Variants in LRRIQ3 observed in about 807,000 individuals in gnomAD.
The protein encoded by LRRIQ3 is leucine rich repeats and IQ motif containing 3, also known as leucine-rich repeat and IQ domain-containing protein 3.
Under a neutral mutation model 59.3 loss-of-function variants are expected in LRRIQ3, and 75 were observed. That is an observed-to-expected ratio of 1.26 (90% CI 1.05 to 1.53). The LOEUF is 1.53. Among genes scored for constraint, LRRIQ3 ranks in the 40% most tolerant of loss-of-function variants. LRRIQ3 has a pLI of 0.00. For missense variants in LRRIQ3, 831 were observed against 710.0 expected (o/e 1.17, Z -1.94); for synonymous variants, 250 against 231.3 (o/e 1.08, Z -0.73).
At chr1:74,087,887 A>T (rs980053860) in intron 5 of LRRIQ3, among the ~76,000 whole-genome samples, 3 of 151,956 alleles carry the variant, frequency 2.0e-5, no homozygotes, top group Non-Finnish European at 4.4e-5. Context: ...TCATGAGGTC[A>T]GGAGTTCAAG....
intron 1 of LRRIQ3, among the ~76,000 whole-genome samples, chr1:74,190,693 A>G (rs1650706061): frequency 6.6e-6 from 1 of 152,076 alleles, no homozygotes; most frequent in African/African-American, 2.4e-5. Flanking sequence ...AAAATAAAAA[A>G]AAAACAACCT....
At chr1:74,097,740 G>C (rs931210765) in intron 5 of LRRIQ3, among the ~76,000 whole-genome samples, 7 of 152,110 alleles carry the variant, frequency 4.6e-5, no homozygotes, top group African/African-American at 1.7e-4. Context: ...AAGAGAGTAG[G>C]GGCCAATATT....
chr1:74,149,587 A>T (rs565159319), intron 4 of LRRIQ3, among the ~76,000 whole-genome samples: 7 of 152,152 alleles, frequency 4.6e-5, no homozygotes, highest in Non-Finnish European at 1.0e-4. Context: ...CTCCACAAAT[A>T]ATGAATTCTT....
At chr1:74,180,714 G>T (rs747910883) in intron 3 of LRRIQ3, 3 of 1,549,464 alleles carry the variant, frequency 1.9e-6, no homozygotes, top group Non-Finnish European at 1.7e-6. Flanking sequence ...CCCACCTCAT[G>T]ACTCATTTGC....
chr1:74,063,248 T>C (rs957512774), intron 6 of LRRIQ3, among the ~76,000 whole-genome samples: 2 of 152,246 alleles, frequency 1.3e-5, no homozygotes, highest in African/African-American at 2.4e-5. Context: ...TCATAATGAA[T>C]AAAGAAAATG....
chr1:74,119,139 CATTTTAT>C (rs1274824900), intron 4 of LRRIQ3, among the ~76,000 whole-genome samples: 1 of 119,578 alleles, frequency 8.4e-6, no homozygotes, highest in Non-Finnish European at 2.0e-5. Context: ...TAAAAATTGT[CATTTTAT>C]TTTTTAAAAT....
intron 3 of LRRIQ3, among the ~76,000 whole-genome samples, chr1:74,174,161 T>C (rs887592914): frequency 6.6e-6 from 1 of 152,128 alleles, no homozygotes. Flanking sequence ...TGCGTTATAT[T>C]GTTTTACTTG....
intron 7 of LRRIQ3, among the ~76,000 whole-genome samples, chr1:74,040,376 G>A (rs372707039): frequency 7.9e-5 from 12 of 152,128 alleles, no homozygotes; most frequent in Admixed American, 5.9e-4. Context: ...ATATTAGACC[G>A]ATTAATGAGA....
chr1:74,088,124 AC>A lies in LRRIQ3; in HGVS notation c.868-13335del, dbSNP rs1204290573. 5.9e-5 allele frequency among the ~76,000 whole-genome samples: 9 copies of A among 152,042 alleles called. No individual in the cohort carries two copies. The East Asian group carries it at 7.8e-4, about 13-fold the overall frequency. ...AAACAAAAAAACAAAACAAAAAAAA[AC>A]AATTGTCTCTCAGATATTTGAATAT... On this transcript the variant is annotated intron_variant, in intron 5 of 7. Transcript: ENST00000354431.
chr1:74,081,379 C>G (rs1206028510), intron 5 of LRRIQ3, among the ~76,000 whole-genome samples: 2 of 151,552 alleles, frequency 1.3e-5, no homozygotes, highest in Non-Finnish European at 3.0e-5. Context: ...GTCTAATAGT[C>G]TAAGGTCTAT....
At chr1:74,060,122 T>C (rs556953535) in intron 6 of LRRIQ3, among the ~76,000 whole-genome samples, 2 of 152,236 alleles carry the variant, frequency 1.3e-5, no homozygotes, top group South Asian at 4.1e-4. Flanking sequence ...TAATGTCCCC[T>C]GTTTCATTTC....
At chr1:74,182,506 A>G (rs754053543) in intron 3 of LRRIQ3, 32 bp downstream of exon 3, 1 of 1,376,928 alleles carries the variant, frequency 7.3e-7, no homozygotes, top group Non-Finnish European at 9.6e-7. Flanking sequence ...TTATACATTT[A>G]ATTAAAATGA....
At chr1:74,036,892 A>G (rs960141571) in intron 7 of LRRIQ3, among the ~76,000 whole-genome samples, 1 of 152,366 alleles carries the variant, frequency 6.6e-6, no homozygotes, top group Non-Finnish European at 1.5e-5. Flanking sequence ...AAGTTTACTT[A>G]GTCTAATGAT....
At chr1:74,168,838 A>C (rs1490820569) in intron 3 of LRRIQ3, among the ~76,000 whole-genome samples, 3 of 152,162 alleles carry the variant, frequency 2.0e-5, no homozygotes, top group African/African-American at 4.8e-5. Flanking sequence ...TACTATGTCC[A>C]TAATCAAGGT....
chr1:74,106,336 A>G (rs1646612230), intron 5 of LRRIQ3, among the ~76,000 whole-genome samples: 1 of 151,926 alleles, frequency 6.6e-6, no homozygotes, highest in Non-Finnish European at 1.5e-5. Context: ...AAATCAGCAC[A>G]AGGAAGCTTC....
chr1:74,138,506 C>T (rs1011514436), intron 4 of LRRIQ3: 2 of 984,384 alleles, frequency 2.0e-6, no homozygotes, highest in Non-Finnish European at 2.4e-6. Flanking sequence ...AGTTGAATGT[C>T]TGTTGTCTCA....
At chr1:74,060,198 T>TTCC (rs1228106473) in intron 6 of LRRIQ3, among the ~76,000 whole-genome samples, 2 of 47,256 alleles carry the variant, frequency 4.2e-5, no homozygotes, top group East Asian at 2.1e-3. Context: ...TTTCTTCTTC[T>TTCC]TCTTCTTCTT....
intron 3 of LRRIQ3, among the ~76,000 whole-genome samples, chr1:74,160,082 A>C (rs1258612019): frequency 6.6e-6 from 1 of 152,112 alleles, no homozygotes; most frequent in Non-Finnish European, 1.5e-5. Flanking sequence ...AAATCAGGTC[A>C]TATAAATGCC....
intron 5 of LRRIQ3, among the ~76,000 whole-genome samples, chr1:74,076,816 C>A (rs2100485630): frequency 6.6e-6 from 1 of 152,090 alleles, no homozygotes; most frequent in African/African-American, 2.4e-5. Context: ...CTGGAATAAA[C>A]CTGTTTTTAT....
Sources: allele counts gnomAD v4.1 joint callset (sites outside exome capture counted in the v4.1 genomes callset), GRCh38; gene constraint gnomAD v4.1.1; transcripts MANE v1.5; gene names NCBI Gene and HGNC (gene_info 2026-07-23, HGNC 2026-07-21).